TMEM132B: variants seen among roughly 807,000 people sequenced by gnomAD.
The protein encoded by TMEM132B is transmembrane protein 132B.
Under a neutral mutation model 90.8 loss-of-function variants are expected in TMEM132B, and 18 were observed. The observed-to-expected ratio is 0.20, with a 90% CI of 0.14 to 0.29. The LOEUF (loss-of-function observed/expected upper bound fraction) is 0.29, where lower values mean the gene tolerates loss of function less well. Among genes scored for constraint, TMEM132B ranks in the 10% least tolerant of loss-of-function variants. The pLI, the probability that TMEM132B is intolerant of heterozygous loss-of-function variation, is 1.00. For synonymous variants in TMEM132B, 504 were observed against 523.3 expected (o/e 0.96, Z 0.50); for missense variants, 1,096 against 1,326.8 (o/e 0.83, Z 2.70).
chr12:125,448,570 A>G (rs1881065889), intron 3 of TMEM132B, among the ~76,000 whole-genome samples: 1 of 152,198 alleles, frequency 6.6e-6, no homozygotes, highest in African/African-American at 2.4e-5. Context: ...ATTCCATTGT[A>G]TAGATATAAT....
intron 3 of TMEM132B, among the ~76,000 whole-genome samples, chr12:125,430,890 A>C (rs1487901353): frequency 1.3e-5 from 2 of 152,206 alleles, no homozygotes; most frequent in Non-Finnish European, 2.9e-5. Flanking sequence ...TAAGGCGGTC[A>C]GGGAGGGCCT....
At chr12:125,237,317 C>T (rs373168399) in intron 1 of TMEM132B, among the ~76,000 whole-genome samples, 4 of 152,272 alleles carry the variant, frequency 2.6e-5, no homozygotes, top group South Asian at 2.1e-4. Context: ...TTAGCTGTGA[C>T]GTCAGTGTTC....
At chr12:125,367,905 G>GT in intron 2 of TMEM132B, among the ~76,000 whole-genome samples, 1 of 151,920 alleles carries the variant, frequency 6.6e-6, no homozygotes, top group African/African-American at 2.4e-5. Context: ...TCTCATCTTA[G>GT]TTTTTTTCTT....
intron 5 of TMEM132B, among the ~76,000 whole-genome samples, chr12:125,594,322 C>T (rs575699609): frequency 1.0e-3 from 159 of 152,266 alleles, no homozygotes; most frequent in African/African-American, 3.7e-3. Context: ...TGGGTTGTTT[C>T]TAATTTGGGG....
intron 1 of TMEM132B, among the ~76,000 whole-genome samples, chr12:125,240,098 C>A (rs527494556): frequency 6.6e-6 from 1 of 152,170 alleles, no homozygotes; most frequent in Non-Finnish European, 1.5e-5. Context: ...GGAACGTTGA[C>A]CTGTAGAGCT....
intron 5 of TMEM132B, among the ~76,000 whole-genome samples, chr12:125,589,839 C>T (rs185663014): frequency 7.1e-4 from 108 of 152,206 alleles, no homozygotes; most frequent in African/African-American, 2.6e-3. Context: ...CACCAGGCCC[C>T]ACCTCCAACA....
At chr12:125,425,836 T>C (rs963697902) in intron 3 of TMEM132B, among the ~76,000 whole-genome samples, 2 of 152,234 alleles carry the variant, frequency 1.3e-5, no homozygotes, top group Admixed American at 6.5e-5. Context: ...CCACAGTTTA[T>C]ACATTTATCT....
chr12:125,406,926 G>C lies in TMEM132B; in HGVS notation c.960-8605G>C, dbSNP rs1286199519. ...GGTGCATAGAGTAGGATCCAGTAGA[G>C]GTCCAGGGCAAGCTCCCAGTTGACC... is the stretch of plus-strand genomic sequence containing the variant. On this transcript the variant is annotated intron_variant, in intron 2 of 8. Transcript: ENST00000682704. This position sits in a 1 kb window ranked among gnomAD's most constrained non-coding sequence, Gnocchi z 8.3. 6.6e-6 allele frequency among the ~76,000 whole-genome samples: 1 copy of C among 152,208 alleles called. No individual in the cohort carries two copies. The highest frequency in any genetic ancestry group is 1.5e-5 in the Non-Finnish European group (1 of 68,040).
chr12:125,224,517 A>G (rs1269398930), intron 1 of TMEM132B, among the ~76,000 whole-genome samples: 2 of 152,160 alleles, frequency 1.3e-5, no homozygotes, highest in Non-Finnish European at 2.9e-5. Flanking sequence ...CACTCATCCC[A>G]TTGTCCTCAG....
At chr12:125,432,085 G>A (rs1441624241) in intron 3 of TMEM132B, among the ~76,000 whole-genome samples, 1 of 151,982 alleles carries the variant, frequency 6.6e-6, no homozygotes, top group African/African-American at 2.4e-5. Context: ...CGCTGCCGGG[G>A]TGTTGGTGGG....
chr12:125,291,470 T>G (rs991255835), intron 1 of TMEM132B, among the ~76,000 whole-genome samples: 1 of 152,178 alleles, frequency 6.6e-6, no homozygotes, highest in African/African-American at 2.4e-5. Flanking sequence ...AGATTCTCCA[T>G]GCTGGCTCTG....
intron 1 of TMEM132B, among the ~76,000 whole-genome samples, chr12:125,198,352 G>A (rs1409174074): frequency 6.6e-6 from 1 of 152,076 alleles, no homozygotes; most frequent in Non-Finnish European, 1.5e-5. Context: ...CTCCTAATGG[G>A]GTCTTCTGCT....
At chr12:125,365,560 C>CA (rs1878103546) in intron 2 of TMEM132B, among the ~76,000 whole-genome samples, 1 of 152,012 alleles carries the variant, frequency 6.6e-6, no homozygotes, top group Admixed American at 6.6e-5. Context: ...GCATGTATGA[C>CA]TTCTCTTGGC....
chr12:125,350,311 C>G lies in TMEM132B; in HGVS notation c.927C>G (p.Thr309=). Residue 309 remains threonine (T), a synonymous_variant, in exon 2 of 9, where the codon ACC becomes ACG. Coordinates refer to ENST00000682704, the MANE Select transcript of TMEM132B (RefSeq NM_001366854.1). The part of the protein sequence containing the change: ...GDTATFLVSL[T]SSSVADQFTL... ...CGGCCACCTTTTTGGTCTCTCTGAC[C>G]AGTAGCTCTGTGGCAGACCAGTTCA... The G allele has an allele frequency of 6.2e-7, 1 of 1,613,438 alleles. No individual in the cohort carries two copies. Among genetic ancestry groups the G allele is most frequent in the Non-Finnish European group, 8.5e-7 (1 of 1,179,934 alleles).
chr12:125,402,074 T>C (rs73424797), intron 2 of TMEM132B, among the ~76,000 whole-genome samples: 3,219 of 152,328 alleles, frequency 0.021, 121 homozygotes, highest in South Asian at 0.067. Flanking sequence ...TGAGGGCTTC[T>C]CCAGTTTCCC....
intron 4 of TMEM132B, among the ~76,000 whole-genome samples, chr12:125,528,965 C>A (rs1018394640): frequency 7.0e-6 from 1 of 141,862 alleles, no homozygotes; most frequent in Non-Finnish European, 1.5e-5. Flanking sequence ...TTCTTCCCCC[C>A]TCTTTCTTTC....
rs1472239582 is a variant in TMEM132B at position 125,415,510 on chromosome 12, C to A, written c.960-21C>A. 2 of 1,613,428 alleles carry A rather than the reference C, an allele frequency of 1.2e-6. No individual in the cohort carries two copies. Among genetic ancestry groups the A allele is most frequent in the Non-Finnish European group, 1.7e-6 (2 of 1,179,812 alleles). On this transcript the variant is annotated intron_variant, in intron 2 of 8. Transcript: ENST00000682704. This position sits in a 1 kb window ranked among gnomAD's most constrained non-coding sequence, Gnocchi z 5.3. ...AAAATGGTTTTATTATATATAATAT[C>A]ATTGTTTTCCCACCCCACAGAATTA...
At chr12:125,403,685 G>GAAAATGTC (rs1416222876) in intron 2 of TMEM132B, among the ~76,000 whole-genome samples, 3 of 152,204 alleles carry the variant, frequency 2.0e-5, no homozygotes, top group Non-Finnish European at 4.4e-5. Flanking sequence ...TAAGAGAGAG[G>GAAAATGTC]AAAATGTCAA....
intron 1 of TMEM132B, among the ~76,000 whole-genome samples, chr12:125,274,900 G>A (rs550006175): frequency 6.6e-6 from 1 of 152,218 alleles, no homozygotes; most frequent in South Asian, 2.1e-4. Context: ...TCCAGCCTGG[G>A]TGATGGAGTG....
Sources: allele counts gnomAD v4.1 joint callset (sites outside exome capture counted in the v4.1 genomes callset), GRCh38; gene constraint gnomAD v4.1.1; non-coding constraint Gnocchi (gnomAD v3.1); transcripts MANE v1.5; gene names NCBI Gene and HGNC (gene_info 2026-07-23, HGNC 2026-07-21).